Variants in BNC2 observed in about 807,000 individuals in gnomAD.
BNC2 encodes the protein zinc finger protein basonuclin-2.
In BNC2, 20 loss-of-function variants were observed where a neutral mutation model predicts 76.3. That is an observed-to-expected ratio of 0.26 (90% confidence interval 0.18 to 0.38). The LOEUF is 0.38. BNC2 is among the 10% of genes least tolerant of loss of function. The pLI, the probability that BNC2 is intolerant of heterozygous loss-of-function variation, is 1.00. For missense variants in BNC2, 1,382 were observed against 1,399.8 expected (o/e 0.99, Z 0.20); for synonymous variants, 582 against 514.8 (o/e 1.13, Z -1.77).
chr9:16,758,983 G>C (rs765314712), intron 1 of BNC2, among the ~76,000 whole-genome samples: 6 of 152,100 alleles, frequency 3.9e-5, no homozygotes, highest in Non-Finnish European at 8.8e-5. Context: ...TCATGTTTTT[G>C]TTATAAACAC....
At chr9:16,603,318 T>C (rs943748169) in intron 3 of BNC2, among the ~76,000 whole-genome samples, 2 of 152,202 alleles carry the variant, frequency 1.3e-5, no homozygotes, top group Admixed American at 1.3e-4. Context: ...AGAATGCTAA[T>C]GTTATACAAG....
At chr9:16,784,987 C>T (rs1354767553) in intron 1 of BNC2, among the ~76,000 whole-genome samples, 1 of 152,170 alleles carries the variant, frequency 6.6e-6, no homozygotes, top group African/African-American at 2.4e-5. Flanking sequence ...AGAGAATGGA[C>T]ACTTACAGAG....
At chr9:16,805,608 G>A (rs1322995084) in intron 1 of BNC2, among the ~76,000 whole-genome samples, 3 of 152,090 alleles carry the variant, frequency 2.0e-5, no homozygotes, top group Non-Finnish European at 2.9e-5. Context: ...GATTACAGGC[G>A]TGAGCCACTG....
chr9:16,535,138 T>G (rs992672271), intron 5 of BNC2, among the ~76,000 whole-genome samples: 5 of 152,136 alleles, frequency 3.3e-5, no homozygotes, highest in Non-Finnish European at 7.4e-5. Flanking sequence ...TTCAGAGAAA[T>G]GAAACTAGGA....
chr9:16,855,505 C>T (rs1475214675), intron 1 of BNC2, among the ~76,000 whole-genome samples: 2 of 152,218 alleles, frequency 1.3e-5, no homozygotes, highest in African/African-American at 4.8e-5. Flanking sequence ...AAATGTACAG[C>T]TTGAACATCA....
chr9:16,436,169 A>T lies in BNC2; in HGVS notation c.2025T>A (p.His675Gln). ...AVVNDMSHDN[H>Q]CHSQEEMSPG... ...GGCTCATCTCCTCTTGGGAGTGACA[A>T]TGATTGTCATGGCTCATGTCATTGA... The change falls in exon 6 of 7, where the codon CAT becomes CAA. Residue 675 changes from histidine to glutamine, a missense_variant. His to Gln is a conservative substitution (Grantham distance 24, BLOSUM62 0). Around this residue, in one of 3 missense-constraint regions of BNC2, gnomAD observed 798 missense variants for 775.5 expected, o/e 1.03. Transcript: ENST00000380672. 6.2e-7 allele frequency: 1 copy of T among 1,614,178 alleles called. No individual in the cohort carries two copies. The highest frequency in any genetic ancestry group is 8.5e-7 in the Non-Finnish European group (1 of 1,180,028).
At chr9:16,606,999 G>C (rs1666591910) in intron 3 of BNC2, among the ~76,000 whole-genome samples, 1 of 152,214 alleles carries the variant, frequency 6.6e-6, no homozygotes, top group Non-Finnish European at 1.5e-5. Flanking sequence ...CCAGGCTGGA[G>C]TGCAGTGGTG....
chr9:16,665,121 C>A (rs1031542308), intron 3 of BNC2: 1 of 454,522 alleles, frequency 2.2e-6, no homozygotes, highest in East Asian at 7.1e-5. Flanking sequence ...GTAATCCCAG[C>A]ACTTTGGAAG....
intron 3 of BNC2, among the ~76,000 whole-genome samples, chr9:16,605,334 CTGAA>C (rs1432907115): frequency 6.6e-6 from 1 of 152,228 alleles, no homozygotes; most frequent in African/African-American, 2.4e-5. Context: ...TCTAAACACT[CTGAA>C]TGGACAAACT....
At chr9:16,676,895 T>G (rs1426629093) in intron 3 of BNC2, among the ~76,000 whole-genome samples, 5 of 152,232 alleles carry the variant, frequency 3.3e-5, no homozygotes, top group African/African-American at 1.2e-4. Flanking sequence ...ATATTATCAT[T>G]TTCTTATTTG....
At chr9:16,445,611 A>G (rs1821216096) in intron 5 of BNC2, among the ~76,000 whole-genome samples, 1 of 152,206 alleles carries the variant, frequency 6.6e-6, no homozygotes. Context: ...TCAAAATACA[A>G]TGCTGACCAA....
chr9:16,556,396 T>C lies in BNC2; in HGVS notation c.434-3631A>G, dbSNP rs569054625. On this transcript the variant is annotated intron_variant, in intron 4 of 6. Transcript: ENST00000380672. ...GGACTAGATATTTAATGGAAGTCAA[T>C]AGTAGATCACAAAAAAGCTCTAAGA... Among the ~76,000 whole-genome samples, 4 of 152,080 alleles carry C rather than the reference T, an allele frequency of 2.6e-5. No homozygotes were observed. In the South Asian group the frequency reaches 6.2e-4, roughly 24 times the overall value.
chr9:16,728,991 G>A (rs1274811450), intron 2 of BNC2, among the ~76,000 whole-genome samples: 1 of 152,024 alleles, frequency 6.6e-6, no homozygotes. Flanking sequence ...AAAAAAGCCT[G>A]TCCCATTTCA....
At chr9:16,478,064 C>T (rs1587074471) in intron 5 of BNC2, among the ~76,000 whole-genome samples, 2 of 152,318 alleles carry the variant, frequency 1.3e-5, no homozygotes, top group Admixed American at 6.5e-5. Context: ...TCTGGCTCAT[C>T]ACAGTCTGAG....
In BNC2 at chr9:16,436,440, G is replaced by A; in HGVS notation, c.1754C>T (p.Pro585Leu). The change falls in exon 6 of 7, where the codon CCT becomes CTT. Residue 585 changes from proline (P) to leucine (L), a missense_variant. Coordinates refer to ENST00000380672, the MANE Select transcript of BNC2 (RefSeq NM_017637.6). ...GGGACTGGTTGGGAGGGAGGTTGGA[G>A]GACTCACCATTTCCCCTGGAGTGAG... ...SLLTPGEMVS[P>L]PTSLPTSPII... The A allele has an allele frequency of 1.2e-6, 2 of 1,614,038 alleles. No individual in the cohort carries two copies. Among genetic ancestry groups the A allele is most frequent in the Non-Finnish European group, 1.7e-6 (2 of 1,180,020 alleles).
intron 3 of BNC2, chr9:16,685,586 A>G: frequency 7.7e-7 from 1 of 1,304,184 alleles, no homozygotes; most frequent in East Asian, 5.5e-5. Flanking sequence ...AGGTTTGGGC[A>G]GAAGTCTGCC....
intron 5 of BNC2, among the ~76,000 whole-genome samples, chr9:16,479,675 A>G (rs1822005663): frequency 6.6e-6 from 1 of 152,188 alleles, no homozygotes; most frequent in South Asian, 2.1e-4. Flanking sequence ...AAAGTTCCTG[A>G]TATCACTGGG....
intron 5 of BNC2, among the ~76,000 whole-genome samples, chr9:16,545,258 T>C (rs751736659): frequency 1.3e-5 from 2 of 152,228 alleles, no homozygotes; most frequent in Admixed American, 6.5e-5. Flanking sequence ...GGCTACTTTA[T>C]AGAAACAAAG....
intron 3 of BNC2, among the ~76,000 whole-genome samples, chr9:16,592,326 T>C (rs1254891900): frequency 1.3e-5 from 2 of 152,096 alleles, no homozygotes; most frequent in Non-Finnish European, 2.9e-5. Context: ...AAATTCAGTA[T>C]ATTAATATAA....
Sources: gnomAD v4.1 joint callset for allele counts (sites outside exome capture counted in the v4.1 genomes callset) on GRCh38, gnomAD v4.1.1 for gene constraint, gnomAD v4.1.1 regional missense constraint, MANE v1.5 for transcripts, NCBI Gene and HGNC (gene_info 2026-07-23, HGNC 2026-07-21) for gene names.